Variants in CALM3 observed in about 807,000 individuals in gnomAD.
CALM3 encodes the protein calmodulin-3.
A neutral mutation model predicts 20.1 loss-of-function variants in CALM3; 5 were observed. The observed-to-expected ratio is 0.25, with a 90% CI of 0.13 to 0.52. The LOEUF (loss-of-function observed/expected upper bound fraction) is 0.52. Among genes scored for constraint, CALM3 ranks in the 20% least tolerant of loss-of-function variants. The pLI is 0.96. For missense variants in CALM3, 57 were observed against 192.8 expected (o/e 0.30, Z 4.17); for synonymous variants, 69 against 68.1 (o/e 1.01, Z -0.06).
At chr19:46,602,418 G>A (rs1475737698) in intron 1 of CALM3, among the ~76,000 whole-genome samples, 1 of 150,564 alleles carries the variant, frequency 6.6e-6, no homozygotes, top group East Asian at 1.9e-4. Flanking sequence ...GGCTTGGGTG[G>A]TTGGGAGGTG....
intron 1 of CALM3, among the ~76,000 whole-genome samples, chr19:46,603,385 C>A (rs912874292): frequency 6.6e-6 from 1 of 152,214 alleles, no homozygotes; most frequent in Non-Finnish European, 1.5e-5. Flanking sequence ...TGGTAACTGG[C>A]CTTGGACTTT....
Position 46,601,483 on chromosome 19 carries a change from G to C in CALM3, c.3+46G>C. 2 of 1,444,856 alleles carry C rather than the reference G, an allele frequency of 1.4e-6. No individual in the cohort carries two copies. Among genetic ancestry groups the C allele is most frequent in the African/African-American group, 2.9e-5 (2 of 68,118 alleles). The allele number at this position is 1,444,856 out of a possible 1,614,324, so 89.5% of individuals were successfully genotyped here. ...GCCGAGGCTGCGGGCTCTGAGGCGG[G>C]CTTAACGGGGCAGGACCCCTGAGGG... is the stretch of plus-strand genomic sequence containing the variant. On this transcript the variant is annotated intron_variant, in intron 1 of 5. Transcript: ENST00000291295. The surrounding 1 kb of genome is among the most constrained non-coding windows in gnomAD (Gnocchi z 4.2).
chr19:46,602,328 A>AT (rs35630463), intron 1 of CALM3: 222,621 of 613,758 alleles, frequency 0.36, 45,363 homozygotes, highest in East Asian at 0.58. Flanking sequence ...GAAAGACAGA[A>AT]TTTTTTTAAC....
Position 46,602,834 on chromosome 19 carries a change from C to T in CALM3, c.3+1397C>T, listed in dbSNP as rs538098709. 3.4e-3 allele frequency among the ~76,000 whole-genome samples: 518 copies of T among 152,296 alleles called. 3 individuals are homozygous for T. The highest frequency in any genetic ancestry group is 6.0e-3 in the Non-Finnish European group (408 of 68,016). On this transcript the variant is annotated intron_variant, in intron 1 of 5. Transcript: ENST00000291295. ...GGTTTTCTCATGATCCCCAGCCCCA[C>T]GCACCATGCTGCACCTCGTCACTTG...
At position 46,609,627 on chromosome 19, in the gene CALM3, C is replaced by G. The variant is rs560704391; in HGVS notation, c.*474C>G. The G allele has an allele frequency of 2.5e-4, 42 of 166,418 alleles. No homozygotes were observed. The Middle Eastern group carries it at 0.011, about 45-fold the overall frequency. 10.3% of individuals were successfully genotyped at this position (166,418 alleles called of 1,614,324 possible). Reference sequence around the variant, plus strand: ...CCTTTGCCGTTGCATGCAACCAGCCCTGTGATTCCACGTGCAGATCCCAGC... The same window carrying G: ...CCTTTGCCGTTGCATGCAACCAGCCGTGTGATTCCACGTGCAGATCCCAGC... On this transcript the variant is annotated 3_prime_UTR_variant, in exon 6 of 6. Coordinates refer to ENST00000291295, the MANE Select transcript of CALM3 (RefSeq NM_005184.4).
In CALM3 at chr19:46,609,290, A is replaced by G; in HGVS notation, c.*137A>G. On this transcript the variant is annotated 3_prime_UTR_variant, in exon 6 of 6. Transcript: ENST00000291295. ...TTGACTGAGAATCTGATAAAGCAAC[A>G]AAAGATTTGTCCCAAGCTGCATGAT... 1.2e-6 allele frequency: 1 copy of G among 810,928 alleles called. No homozygotes were observed. Among genetic ancestry groups the G allele is most frequent in the Non-Finnish European group, 2.1e-6 (1 of 487,236 alleles). 50.2% of individuals were successfully genotyped at this position (810,928 alleles called of 1,614,324 possible).
At chr19:46,602,296 G>C in intron 1 of CALM3, 1 of 1,035,870 alleles carries the variant, frequency 9.7e-7, no homozygotes, top group South Asian at 1.4e-5. Context: ...GAGGTTACTA[G>C]TGGGTTAAGA....
In CALM3 at chr19:46,601,533, C is replaced by G; in HGVS notation, c.3+96C>G. The G allele has an allele frequency of 8.6e-7, 1 of 1,167,834 alleles. No individual in the cohort carries two copies. The highest frequency in any genetic ancestry group is 1.6e-5 in the African/African-American group (1 of 62,142). The allele number at this position is 1,167,834 out of a possible 1,614,324, so 72.3% of individuals were successfully genotyped here. A position where few individuals can be genotyped will look rare whatever the true frequency, so the allele number is the denominator to read the frequency against. On this transcript the variant is annotated intron_variant, in intron 1 of 5. Transcript: ENST00000291295. This position sits in a 1 kb window ranked among gnomAD's most constrained non-coding sequence, Gnocchi z 4.2. ...GGGCGACAGAGCCCAGAGTGGGGGG[C>G]GTCCGGGCCCGGCGAGAGCCTCGGG...
In CALM3 at chr19:46,608,227, A is replaced by G; in HGVS notation, c.65A>G (p.Lys22Arg). The change falls in exon 3 of 6, where the codon AAG (lysine) becomes AGG (arginine). Residue 22 changes from lysine to arginine, a missense_variant. By Grantham distance (26) the Lys-to-Arg change is conservative (BLOSUM62 2). Transcript: ENST00000291295. The surrounding 1 kb of genome is among the most constrained non-coding windows in gnomAD (Gnocchi z 5.5). ...EFKEAFSLFDKDGDGTITTKE... is the reference protein window; with the variant it reads ...EFKEAFSLFDRDGDGTITTKE... ...AAGGAGGCCTTCTCCCTCTTTGACA[A>G]GGATGGAGATGGCACTATCACCACC... is the stretch of plus-strand genomic sequence containing the variant. 1 of 1,614,072 alleles carries G rather than the reference A, an allele frequency of 6.2e-7. No homozygotes were observed. Among genetic ancestry groups the G allele is most frequent in the Non-Finnish European group, 8.5e-7 (1 of 1,179,960 alleles).
intron 2 of CALM3, chr19:46,606,114 A>G (rs1971737244): frequency 2.2e-6 from 1 of 446,900 alleles, no homozygotes. Flanking sequence ...TGGGTCATCT[A>G]GGGGCTTGAT....
chr19:46,606,608 G>A (rs1363507969), intron 2 of CALM3, among the ~76,000 whole-genome samples: 2 of 152,154 alleles, frequency 1.3e-5, no homozygotes, highest in South Asian at 2.1e-4. Context: ...TGCCTAGAAC[G>A]TAGTAGGTCC....
At chr19:46,606,503 C>A (rs1217465297) in intron 2 of CALM3, among the ~76,000 whole-genome samples, 1 of 152,174 alleles carries the variant, frequency 6.6e-6, no homozygotes, top group Non-Finnish European at 1.5e-5. Flanking sequence ...AAATTATTTT[C>A]TTATGTCTTC....
intron 2 of CALM3, among the ~76,000 whole-genome samples, chr19:46,607,573 A>G (rs1971768500): frequency 6.6e-6 from 1 of 151,742 alleles, no homozygotes; most frequent in South Asian, 2.1e-4. Flanking sequence ...CTCGCTTTCC[A>G]TCCCCCCATC....
chr19:46,607,560 C>T (rs1249923996), intron 2 of CALM3, among the ~76,000 whole-genome samples: 1 of 152,200 alleles, frequency 6.6e-6, no homozygotes, highest in Admixed American at 6.5e-5. Flanking sequence ...TGGCAGCCGT[C>T]CCCTCGCTTT....
Position 46,609,358 on chromosome 19 carries a change from A to G in CALM3, c.*205A>G, listed in dbSNP as rs1444187260. On this transcript the variant is annotated 3_prime_UTR_variant, in exon 6 of 6. Coordinates refer to ENST00000291295, the MANE Select transcript of CALM3 (RefSeq NM_005184.4). ...CCCTGAGTCTCTCTCCATGCCCCTC[A>G]TCTCTTCCTTTTGCCCTCGCCTCTT... The G allele has an allele frequency of 1.6e-6, 1 of 618,636 alleles. No individual in the cohort carries two copies. Among genetic ancestry groups the G allele is most frequent in the Non-Finnish European group, 2.9e-6 (1 of 346,260 alleles). The allele number at this position is 618,636 out of a possible 1,614,324, so 38.3% of individuals were successfully genotyped here. A position where few individuals can be genotyped will look rare whatever the true frequency, so the allele number is the denominator to read the frequency against.
rs191313824 is a variant in CALM3, at chr19:46,608,705, A to T, written c.285+117A>T. 6 of 1,269,036 alleles carry T rather than the reference A, an allele frequency of 4.7e-6. No homozygotes were observed. The East Asian group carries it at 1.0e-4, about 21-fold the overall frequency. 78.6% of individuals were successfully genotyped at this position (1,269,036 alleles called of 1,614,324 possible). A position where few individuals can be genotyped will look rare whatever the true frequency, so the allele number is the denominator to read the frequency against. On this transcript the variant is annotated intron_variant, in intron 4 of 5. Transcript: ENST00000291295. This position sits in a 1 kb window ranked among gnomAD's most constrained non-coding sequence, Gnocchi z 5.5. ...AGGTCCGGGTCCCGGTGCCAGCCTC[A>T]TTGCCAACCTGCTCTGCCACCTCAG...
rs1446427776 is a variant in CALM3, at chr19:46,601,485, T to C, written c.3+48T>C. 9.7e-6 allele frequency: 14 copies of C among 1,443,682 alleles called. No individual in the cohort carries two copies. Among genetic ancestry groups the C allele is most frequent in the Non-Finnish European group, 1.3e-5 (14 of 1,093,866 alleles). 89.4% of individuals were successfully genotyped at this position (1,443,682 alleles called of 1,614,324 possible). A position where few individuals can be genotyped will look rare whatever the true frequency, so the allele number is the denominator to read the frequency against. The stretch of plus-strand genomic sequence containing the variant: ...CGAGGCTGCGGGCTCTGAGGCGGGC[T>C]TAACGGGGCAGGACCCCTGAGGGGG... On this transcript the variant is annotated intron_variant, in intron 1 of 5. Coordinates refer to ENST00000291295, the MANE Select transcript of CALM3 (RefSeq NM_005184.4). This position sits in a 1 kb window ranked among gnomAD's most constrained non-coding sequence, Gnocchi z 4.2.
chr19:46,608,402 C>T lies in CALM3; in HGVS notation c.178+62C>T. 2.5e-6 allele frequency: 4 copies of T among 1,609,254 alleles called. No homozygotes were observed. In the Admixed American group the frequency reaches 6.7e-5, roughly 27 times the overall value. ...GGTCACCCCGAGTGACTGCAGGGAG[C>T]CTCTCTCAGGGTGATGGATGAGCCC... On this transcript the variant is annotated intron_variant, in intron 3 of 5. Coordinates refer to ENST00000291295, the MANE Select transcript of CALM3 (RefSeq NM_005184.4). The surrounding 1 kb of genome is among the most constrained non-coding windows in gnomAD (Gnocchi z 5.5).
In CALM3 at chr19:46,604,547, GT is replaced by G. The variant is rs34621966; in HGVS notation, c.4-1264del. 5.4e-3 allele frequency among the ~76,000 whole-genome samples: 717 copies of G among 133,830 alleles called. 6 individuals carry two copies. Among genetic ancestry groups the G allele is most frequent in the African/African-American group, 0.016 (561 of 35,022 alleles). 87.8% of individuals were successfully genotyped at this position (133,830 alleles called of 152,430 possible). On this transcript the variant is annotated intron_variant, in intron 1 of 5. Transcript: ENST00000291295. ...GGCTTGCAAGTTCTTCTTCCGTTAG[GT>G]TTTTTTTTTTTTTTTCTAACTTTTT... is the stretch of plus-strand genomic sequence containing the variant.
Sources: allele counts gnomAD v4.1 joint callset (sites outside exome capture counted in the v4.1 genomes callset), GRCh38; gene constraint gnomAD v4.1.1; non-coding constraint Gnocchi (gnomAD v3.1); transcripts MANE v1.5; gene names NCBI Gene and HGNC (gene_info 2026-07-23, HGNC 2026-07-21).